AGBL4: variants seen among roughly 807,000 people sequenced by gnomAD.
AGBL4 encodes the protein AGBL carboxypeptidase 4, also known as cytosolic carboxypeptidase 6.
A neutral mutation model predicts 66.4 loss-of-function variants in AGBL4; 58 were observed. That is an observed-to-expected ratio of 0.87 (90% CI 0.71 to 1.09). The LOEUF (loss-of-function observed/expected upper bound fraction) is 1.09, where lower values mean the gene tolerates loss of function less well. Among genes scored for constraint, AGBL4 ranks in the 50% least tolerant of loss-of-function variants. The probability of loss-of-function intolerance (pLI) is 0.00; values close to 1 mark genes in which losing one functional copy is unlikely to be tolerated. For synonymous variants in AGBL4, 234 were observed against 222.9 expected, an observed-to-expected ratio of 1.05 and a Z score of -0.44; for missense variants, 579 against 631.0, an observed-to-expected ratio of 0.92 and a Z score of 0.88.
At chr1:49,013,678 C>T (rs1202139415) in intron 5 of AGBL4, among the ~76,000 whole-genome samples, 2 of 152,124 alleles carry the variant, frequency 1.3e-5, no homozygotes, top group African/African-American at 4.8e-5. Context: ...CTGGGTAGTT[C>T]TTGCCCATTC....
intron 6 of AGBL4, among the ~76,000 whole-genome samples, chr1:48,822,111 T>C (rs925694942): frequency 2.0e-5 from 3 of 152,186 alleles, no homozygotes; most frequent in Non-Finnish European, 4.4e-5. Flanking sequence ...TGGGAGGAGT[T>C]ATAAAATGAT....
intron 4 of AGBL4, among the ~76,000 whole-genome samples, chr1:49,224,857 G>A (rs1471228204): frequency 3.3e-5 from 5 of 152,162 alleles, no homozygotes; most frequent in Non-Finnish European, 5.9e-5. Flanking sequence ...GGGATAAGTT[G>A]ACAGTAAATT....
intron 1 of AGBL4, among the ~76,000 whole-genome samples, chr1:49,978,107 T>C (rs557262239): frequency 9.2e-5 from 14 of 152,294 alleles, no homozygotes; most frequent in African/African-American, 1.9e-4. Context: ...ATAATTTCTT[T>C]TGGAACTTTG....
At chr1:48,992,768 G>C (rs1006556304) in intron 5 of AGBL4, among the ~76,000 whole-genome samples, 1 of 152,086 alleles carries the variant, frequency 6.6e-6, no homozygotes, top group African/African-American at 2.4e-5. Context: ...TACCACCACA[G>C]GGCCCATGAG....
intron 4 of AGBL4, among the ~76,000 whole-genome samples, chr1:49,135,805 T>C (rs1569771202): frequency 6.6e-6 from 1 of 152,178 alleles, no homozygotes; most frequent in Non-Finnish European, 1.5e-5. Context: ...AGGGACATTA[T>C]GAACATGTTA....
intron 6 of AGBL4, among the ~76,000 whole-genome samples, chr1:48,667,032 A>G (rs1379393414): frequency 6.6e-6 from 1 of 152,212 alleles, no homozygotes. Flanking sequence ...ACAGGTCTTT[A>G]TGATTCTCAA....
chr1:49,305,470 T>C (rs1268112543), intron 3 of AGBL4, among the ~76,000 whole-genome samples: 2 of 152,146 alleles, frequency 1.3e-5, no homozygotes, highest in Non-Finnish European at 2.9e-5. Context: ...GTATTTTCTA[T>C]CCATGTTTGG....
rs1245164944 is a variant in AGBL4, at chr1:49,501,796, A to T, written c.282+195517T>A. 2.0e-5 allele frequency among the ~76,000 whole-genome samples: 3 copies of T among 151,960 alleles called. No individual in the cohort carries two copies. The South Asian group carries it at 6.2e-4, about 32-fold the overall frequency. The stretch of plus-strand genomic sequence containing the variant: ...TTTTGCTACATTCCCATAAATTTTG[A>T]TATGTTGAGTTTTCATTTTTATTTG... On this transcript the variant is annotated intron_variant, in intron 3 of 13. Coordinates refer to ENST00000371839, the MANE Select transcript of AGBL4 (RefSeq NM_032785.4).
intron 3 of AGBL4, among the ~76,000 whole-genome samples, chr1:49,589,716 C>G (rs776651583): frequency 2.6e-5 from 4 of 151,948 alleles, no homozygotes; most frequent in African/African-American, 9.7e-5. Context: ...TTTATTACTG[C>G]GAGAGTGAAA....
chr1:49,958,864 A>T (rs1362830117), intron 1 of AGBL4, among the ~76,000 whole-genome samples: 1 of 151,870 alleles, frequency 6.6e-6, no homozygotes, highest in Non-Finnish European at 1.5e-5. Flanking sequence ...ATAAATTTAA[A>T]AAAAGAAAAT....
At chr1:48,699,832 A>T (rs1646773392) in intron 6 of AGBL4, among the ~76,000 whole-genome samples, 1 of 152,104 alleles carries the variant, frequency 6.6e-6, no homozygotes, top group South Asian at 2.1e-4. Context: ...AATTACTTGC[A>T]TTCAGGGTCT....
chr1:48,528,141 G>A (rs1451804021), downstream of AGBL4, among the ~76,000 whole-genome samples: 2 of 152,170 alleles, frequency 1.3e-5, no homozygotes. Context: ...TGATTTATAA[G>A]ATGATTAGCA....
intron 3 of AGBL4, among the ~76,000 whole-genome samples, chr1:49,587,346 T>A (rs1644670344): frequency 6.6e-6 from 1 of 151,608 alleles, no homozygotes; most frequent in Non-Finnish European, 1.5e-5. Flanking sequence ...AGAAAAGAAA[T>A]AATCTACTTT....
At chr1:49,562,998 G>A (rs570358659) in intron 3 of AGBL4, among the ~76,000 whole-genome samples, 70 of 151,926 alleles carry the variant, frequency 4.6e-4, no homozygotes, top group Middle Eastern at 3.4e-3. Flanking sequence ...GCAGTGGTTC[G>A]TAGTTATCCT....
chr1:49,952,993 T>C (rs1291526078), intron 1 of AGBL4, among the ~76,000 whole-genome samples: 1 of 151,882 alleles, frequency 6.6e-6, no homozygotes, highest in East Asian at 1.9e-4. Context: ...CCAACCTCCA[T>C]GAGTAGTACA....
intron 1 of AGBL4, among the ~76,000 whole-genome samples, chr1:49,936,456 G>A (rs1156585831): frequency 1.3e-5 from 2 of 152,058 alleles, no homozygotes; most frequent in African/African-American, 4.8e-5. Context: ...AGCAAGGCAG[G>A]CCAACATTCA....
intron 6 of AGBL4, among the ~76,000 whole-genome samples, chr1:48,708,961 T>G (rs929680203): frequency 6.6e-6 from 1 of 152,208 alleles, no homozygotes; most frequent in Admixed American, 6.5e-5. Flanking sequence ...AGGGGAAGGA[T>G]GGCCACATAT....
chr1:49,795,210 A>G (rs1644700237), intron 2 of AGBL4, among the ~76,000 whole-genome samples: 1 of 151,950 alleles, frequency 6.6e-6, no homozygotes, highest in African/African-American at 2.4e-5. Flanking sequence ...AAAAAAAAAT[A>G]GAAGTACCAT....
At chr1:48,845,988 GGTCTA>G (rs1212242288) in intron 6 of AGBL4, among the ~76,000 whole-genome samples, 1 of 152,162 alleles carries the variant, frequency 6.6e-6, no homozygotes, top group African/African-American at 2.4e-5. Context: ...TGAAGTATCT[GGTCTA>G]GTGGAGGCCA....
Sources: gnomAD v4.1 joint callset for allele counts (sites outside exome capture counted in the v4.1 genomes callset) on GRCh38, gnomAD v4.1.1 for gene constraint, MANE v1.5 for transcripts, NCBI Gene and HGNC (gene_info 2026-07-23, HGNC 2026-07-21) for gene names.